The following ELN variants were observed in gnomAD, a reference collection of about 807,000 sequenced individuals.
ELN encodes the protein tropoelastin.
ELN carries 65 observed loss-of-function variants against 105.8 expected under a neutral mutation model. That is an observed-to-expected ratio of 0.61 (90% CI 0.50 to 0.75). ELN has a LOEUF of 0.75. Among genes scored for constraint, ELN ranks in the 30% least tolerant of loss-of-function variants. ELN has a pLI of 0.00. For missense variants in ELN, 882 were observed against 969.4 expected (o/e 0.91, Z 1.20); for synonymous variants, 368 against 389.2 (o/e 0.95, Z 0.64).
In ELN at chr7:74,060,008, GT is replaced by G; in HGVS notation, c.1539del (p.Gly514AlafsTer99). On this transcript the variant is annotated frameshift_variant, in exon 23 of 33. Transcript: ENST00000252034. ...VAPGVGVAPG[V>X]GVAPGIGPGG... ...TCCTGGAGTTGGTGTGGCTCCTGGC[GT>G]TGGCGTGGCTCCCGGCATTGGCCCT... 6.2e-7 allele frequency: 1 copy of G among 1,614,034 alleles called. No homozygotes were observed. The highest frequency in any genetic ancestry group is 1.7e-5 in the Admixed American group (1 of 60,010).
At chr7:74,058,433 C>T (rs1246049973) in intron 22 of ELN, among the ~76,000 whole-genome samples, 1 of 152,004 alleles carries the variant, frequency 6.6e-6, no homozygotes, top group Non-Finnish European at 1.5e-5. Flanking sequence ...TAGCTCACTA[C>T]AGCCTCAACC....
chr7:74,035,746 T>C, intron 2 of ELN: 1 of 397,252 alleles, frequency 2.5e-6, no homozygotes, highest in Non-Finnish European at 4.7e-6. Context: ...AGCCATGTTC[T>C]GCATTGAGAA....
chr7:74,041,286 G>T (rs1554668372), intron 5 of ELN, 35 bp downstream of exon 5: 1 of 1,613,528 alleles, frequency 6.2e-7, no homozygotes, highest in South Asian at 1.1e-5. Flanking sequence ...TATCCCCTGT[G>T]GGGACCAGCC....
intron 8 of ELN, chr7:74,043,456 T>G: frequency 1.4e-6 from 1 of 696,580 alleles, no homozygotes. Flanking sequence ...GGCGAGTCAG[T>G]GTGGAAGGGC....
intron 4 of ELN, 35 bp downstream of exon 4, chr7:74,037,774 C>G (rs781847678): frequency 1.9e-6 from 3 of 1,606,066 alleles, no homozygotes; most frequent in Admixed American, 3.4e-5. Context: ...TGAGAGACAG[C>G]GAGGGAGCTG....
intron 22 of ELN, among the ~76,000 whole-genome samples, chr7:74,059,157 CAACG>C (rs1554682297): frequency 6.6e-6 from 1 of 152,064 alleles, no homozygotes; most frequent in Non-Finnish European, 1.5e-5. Context: ...AGGCATGAGC[CAACG>C]TGTCTGGCCT....
At chr7:74,068,147 G>T (rs575038154) in intron 32 of ELN, among the ~76,000 whole-genome samples, 2 of 152,086 alleles carry the variant, frequency 1.3e-5, no homozygotes, top group East Asian at 1.9e-4. Context: ...TTCCCAGGAG[G>T]GGGTAGGAAT....
intron 14 of ELN, 142 bp downstream of exon 14, chr7:74,048,343 G>T (rs992273074): frequency 6.7e-7 from 1 of 1,500,698 alleles, no homozygotes; most frequent in Non-Finnish European, 9.3e-7. Flanking sequence ...GCAGGATCCT[G>T]GGGGAGGAGT....
chr7:74,030,294 A>T (rs1788370612), intron 1 of ELN, among the ~76,000 whole-genome samples: 1 of 152,108 alleles, frequency 6.6e-6, no homozygotes, highest in Non-Finnish European at 1.5e-5. Context: ...TCCCTCAAGG[A>T]GGAGGGTGTC....
intron 1 of ELN, among the ~76,000 whole-genome samples, chr7:74,030,196 C>A (rs1788351822): frequency 2.0e-5 from 3 of 152,194 alleles, no homozygotes; most frequent in South Asian, 2.1e-4. Flanking sequence ...CTGAAGTCTG[C>A]AGAGGTCGGG....
intron 18 of ELN, among the ~76,000 whole-genome samples, 156 bp from the exon 19 acceptor site, chr7:74,054,560 G>A (rs536396083): frequency 6.6e-6 from 1 of 152,214 alleles, no homozygotes; most frequent in Admixed American, 6.5e-5. Flanking sequence ...AGATGGGCAG[G>A]TGGGTGGACA....
In ELN at chr7:74,063,569, T is replaced by G. The variant is rs1797203020; in HGVS notation, c.1919-52T>G. 1.2e-6 allele frequency: 2 copies of G among 1,613,658 alleles called. No individual in the cohort carries two copies. The highest frequency in any genetic ancestry group is 3.3e-5 in the Admixed American group (2 of 59,986). ...ACCTCCGCCCTCCACAGGCCGAGGC[T>G]TCAGTCCCACCTTTCTGACCAGCGG... On this transcript the variant is annotated intron_variant, in intron 28 of 32. Transcript: ENST00000252034. The surrounding 1 kb of genome is among the most constrained non-coding windows in gnomAD (Gnocchi z 4.1).
chr7:74,050,039 A>C (rs1554675060), intron 15 of ELN, among the ~76,000 whole-genome samples: 1 of 147,458 alleles, frequency 6.8e-6, no homozygotes, highest in Non-Finnish European at 1.5e-5. Context: ...CCATTTCTCC[A>C]TGCATGCATC....
At position 74,063,242 on chromosome 7, in the gene ELN, G is replaced by T; in HGVS notation, c.1858+18G>T. ...TGTGGTGGGTGAGTTGAAACCCCAG[G>T]AGGGGCAGGGTGGGGAGGGAATCTA... is the stretch of plus-strand genomic sequence containing the variant. On this transcript the variant is annotated intron_variant, in intron 27 of 32. Transcript: ENST00000252034. The surrounding 1 kb of genome is among the most constrained non-coding windows in gnomAD (Gnocchi z 4.1). 6 of 1,602,574 alleles carry T rather than the reference G, an allele frequency of 3.7e-6. No homozygotes were observed. In the South Asian group the frequency reaches 5.7e-5, roughly 15 times the overall value.
At chr7:74,047,364 G>T (rs1031578548) in intron 12 of ELN, among the ~76,000 whole-genome samples, 1 of 152,192 alleles carries the variant, frequency 6.6e-6, no homozygotes, top group Non-Finnish European at 1.5e-5. Context: ...TCGTGCTCCC[G>T]CCCCTACCTC....
At chr7:74,052,843 G>A (rs1794378608) in intron 17 of ELN, 1 of 374,142 alleles carries the variant, frequency 2.7e-6, no homozygotes, top group Non-Finnish European at 4.9e-6. Context: ...GAGGGAGAGA[G>A]AGAGAGGGAG....
At chr7:74,055,032 G>A (rs1308737726) in intron 19 of ELN, among the ~76,000 whole-genome samples, 2 of 152,248 alleles carry the variant, frequency 1.3e-5, no homozygotes, top group African/African-American at 2.4e-5. Flanking sequence ...GGCCCTCTCA[G>A]AGGAGCCCAA....
At chr7:74,034,433 G>A (rs1789451102) in intron 1 of ELN, among the ~76,000 whole-genome samples, 1 of 152,160 alleles carries the variant, frequency 6.6e-6, no homozygotes, top group African/African-American at 2.4e-5. Flanking sequence ...TCTAAGGACT[G>A]GCAGCAGGGC....
At position 74,063,011 on chromosome 7, in the gene ELN, A is replaced by C; in HGVS notation, c.1787-142A>C. 9.0e-7 allele frequency: 1 copy of C among 1,110,128 alleles called. No individual in the cohort carries two copies. Among genetic ancestry groups the C allele is most frequent in the East Asian group, 2.6e-5 (1 of 38,442 alleles). 68.8% of individuals were successfully genotyped at this position (1,110,128 alleles called of 1,614,324 possible). On this transcript the variant is annotated intron_variant, in intron 26 of 32. Coordinates refer to ENST00000252034, the MANE Select transcript of ELN (RefSeq NM_000501.4). The surrounding 1 kb of genome is among the most constrained non-coding windows in gnomAD (Gnocchi z 4.1). ...GCAAAACCCCATCTCAAAATGAAAC[A>C]AAATATGGACTGGACTTCCTGTCCA...
Sources: allele counts gnomAD v4.1 joint callset (sites outside exome capture counted in the v4.1 genomes callset), GRCh38; gene constraint gnomAD v4.1.1; non-coding constraint Gnocchi (gnomAD v3.1); transcripts MANE v1.5; gene names NCBI Gene and HGNC (gene_info 2026-07-23, HGNC 2026-07-21).